Variants in C4orf51 observed in about 807,000 individuals in gnomAD.
The protein encoded by C4orf51 is chromosome 4 open reading frame 51, also known as uncharacterized protein C4orf51.
A neutral mutation model predicts 25.2 loss-of-function variants in C4orf51; 25 were observed. The observed-to-expected ratio is 0.99, with a 90% CI of 0.72 to 1.39. The LOEUF (loss-of-function observed/expected upper bound fraction) is 1.39. C4orf51 is among the 40% of genes most tolerant of loss of function. The pLI is 0.00. For missense variants in C4orf51, 252 were observed against 239.6 expected, an observed-to-expected ratio of 1.05 and a Z score of -0.34; for synonymous variants, 100 against 84.5, an observed-to-expected ratio of 1.18 and a Z score of -1.01.
intron 1 of C4orf51, among the ~76,000 whole-genome samples, chr4:145,683,208 G>C (rs1578908718): frequency 6.6e-6 from 1 of 152,052 alleles, no homozygotes; most frequent in Non-Finnish European, 1.5e-5. Context: ...TATGTACAAG[G>C]TCTATATAAG....
At position 145,726,910 on chromosome 4, in the gene C4orf51, G is replaced by A. The variant is rs565390537; in HGVS notation, c.308-1G>A. ...GATTTTCCCTCTTCATGTGCATGCA[G>A]GACTATTCCCTGATATAACCAGGCC... is the stretch of plus-strand genomic sequence containing the variant. On this transcript the variant is annotated splice_acceptor_variant, in intron 2 of 5. Coordinates refer to ENST00000438731, the MANE Select transcript of C4orf51 (RefSeq NM_001080531.3). LOFTEE classifies it high-confidence loss of function. 7.4e-6 allele frequency: 12 copies of A among 1,612,122 alleles called. No homozygotes were observed. In the African/African-American group the frequency reaches 1.3e-4, roughly 18 times the overall value.
intron 2 of C4orf51, among the ~76,000 whole-genome samples, chr4:145,724,134 T>C (rs1731907520): frequency 6.6e-6 from 1 of 152,186 alleles, no homozygotes; most frequent in African/African-American, 2.4e-5. Flanking sequence ...TATAGAATCA[T>C]ATCACTTACT....
At position 145,761,689 on chromosome 4, in the gene C4orf51, A is replaced by C. The variant is rs1579063348; in HGVS notation, n.167-9299A>C. ...CGCCTCACCAGCCTTCCCTCACACC[A>C]CCCCCCAGTGTCTGAGGCCTGGCCT... On this transcript the variant is annotated intron_variant and non_coding_transcript_variant, in intron 1 of 1. Transcript: ENST00000510096. This position sits in a 1 kb window ranked among gnomAD's most constrained non-coding sequence, Gnocchi z 6.8. 1.3e-6 allele frequency: 1 copy of C among 789,546 alleles called. No homozygotes were observed. The highest frequency in any genetic ancestry group is 1.8e-6 in the Non-Finnish European group (1 of 568,398). The allele number at this position is 789,546 out of a possible 1,614,324, so 48.9% of individuals were successfully genotyped here. A position where few individuals can be genotyped will look rare whatever the true frequency, so the allele number is the denominator to read the frequency against.
chr4:145,727,726 T>C (rs1443210815), intron 3 of C4orf51, among the ~76,000 whole-genome samples: 3 of 145,688 alleles, frequency 2.1e-5, no homozygotes, highest in Non-Finnish European at 3.0e-5. Context: ...AAAAAAAAAA[T>C]ACAAAATTAG....
intron 2 of C4orf51, among the ~76,000 whole-genome samples, chr4:145,714,641 T>TAAA (rs1171796169): frequency 6.6e-6 from 1 of 152,240 alleles, no homozygotes; most frequent in African/African-American, 2.4e-5. Context: ...TCAGGAAATT[T>TAAA]GTAGAGCTCC....
At position 145,680,222 on chromosome 4, in the gene C4orf51, T is replaced by C; in HGVS notation, c.19T>C (p.Leu7=). The C allele has an allele frequency of 6.2e-7, 1 of 1,613,602 alleles. No individual in the cohort carries two copies. The highest frequency in any genetic ancestry group is 8.5e-7 in the Non-Finnish European group (1 of 1,179,506). The change falls in exon 1 of 6, where the codon TTG becomes CTG. Residue 7 remains leucine (L), a synonymous_variant. Coordinates refer to ENST00000438731, the MANE Select transcript of C4orf51 (RefSeq NM_001080531.3). MSHYFY[L]TPQILLPFSP... ...CGTAGTTATGTCACACTACTTCTACTTGACTCCACAAATTCTTCTGCCCTT... is the reference window on the plus strand; with the variant it reads ...CGTAGTTATGTCACACTACTTCTACCTGACTCCACAAATTCTTCTGCCCTT...
At chr4:145,681,649 A>G (rs35185425) in intron 1 of C4orf51, among the ~76,000 whole-genome samples, 43,747 of 152,028 alleles carry the variant, frequency 0.29, 6,498 homozygotes, top group African/African-American at 0.33. Context: ...GTTATTGGAG[A>G]ATGAGTAGTC....
intron 2 of C4orf51, among the ~76,000 whole-genome samples, chr4:145,709,056 A>T (rs1465136994): frequency 1.3e-5 from 2 of 152,214 alleles, no homozygotes; most frequent in African/African-American, 4.8e-5. Flanking sequence ...ACTCATGGGA[A>T]GCCTTCATAT....
chr4:145,696,508 A>G (rs1259473602), intron 1 of C4orf51, 51 bp from the exon 2 acceptor site: 1 of 1,437,902 alleles, frequency 7.0e-7, no homozygotes, highest in African/African-American at 1.4e-5. Context: ...GCTTCATGTG[A>G]TTTATAAATC....
At chr4:145,698,405 A>G (rs1730209083) in intron 2 of C4orf51, among the ~76,000 whole-genome samples, 1 of 152,238 alleles carries the variant, frequency 6.6e-6, no homozygotes, top group Admixed American at 6.5e-5. Flanking sequence ...GAAAGGCAGG[A>G]CAACTCAAAG....
intron 2 of C4orf51, among the ~76,000 whole-genome samples, chr4:145,708,137 T>C (rs1352743774): frequency 1.3e-5 from 2 of 152,236 alleles, no homozygotes; most frequent in African/African-American, 4.8e-5. Flanking sequence ...GCTAGTGGGC[T>C]CGCAGAGCAG....
intron 2 of C4orf51, among the ~76,000 whole-genome samples, chr4:145,724,444 A>G (rs1731927288): frequency 6.6e-6 from 1 of 152,226 alleles, no homozygotes. Context: ...ACACAAAGCA[A>G]TGAACATTTG....
At chr4:145,766,323 C>T (rs1476185319) in intron 1 of C4orf51, among the ~76,000 whole-genome samples, 5 of 152,114 alleles carry the variant, frequency 3.3e-5, no homozygotes, top group East Asian at 1.9e-4. Flanking sequence ...CAAGAGAGCG[C>T]GTCAGGGACT....
At chr4:145,779,742 T>A in the C4orf51 span, among the ~76,000 whole-genome samples, 1 of 152,242 alleles carries the variant, frequency 6.6e-6, no homozygotes, top group African/African-American at 2.4e-5. Flanking sequence ...GTATTTTCTC[T>A]CTTTCTTCAC....
At chr4:145,725,910 T>C (rs1732029945) in intron 2 of C4orf51, among the ~76,000 whole-genome samples, 1 of 152,216 alleles carries the variant, frequency 6.6e-6, no homozygotes, top group African/African-American at 2.4e-5. Context: ...ACTTAAATTT[T>C]GTCAATTTCA....
At chr4:145,766,898 C>T (rs1401695935) in intron 1 of C4orf51, among the ~76,000 whole-genome samples, 4 of 152,038 alleles carry the variant, frequency 2.6e-5, no homozygotes, top group African/African-American at 7.2e-5. Context: ...GATCTAGACC[C>T]GCCAAAGAAT....
At chr4:145,757,644 T>C (rs1441210920), downstream of C4orf51, 1 of 152,004 alleles carries the variant, frequency 6.6e-6, no homozygotes, top group East Asian at 1.9e-4. Flanking sequence ...AACCTTTTTT[T>C]TTTTTTAATT....
chr4:145,706,213 A>C (rs1195898267), intron 2 of C4orf51, among the ~76,000 whole-genome samples: 1 of 152,220 alleles, frequency 6.6e-6, no homozygotes, highest in Non-Finnish European at 1.5e-5. Context: ...TCACAATATA[A>C]GCTTTAGTCT....
the C4orf51 span, among the ~76,000 whole-genome samples, chr4:145,785,871 C>T: frequency 6.6e-6 from 1 of 152,208 alleles, no homozygotes; most frequent in South Asian, 2.1e-4. Flanking sequence ...TACACATGTG[C>T]AGATTTAGCA....
Sources: gnomAD v4.1 joint callset for allele counts (sites outside exome capture counted in the v4.1 genomes callset) on GRCh38, gnomAD v4.1.1 for gene constraint, Gnocchi (gnomAD v3.1) non-coding constraint, MANE v1.5 for transcripts, NCBI Gene and HGNC (gene_info 2026-07-23, HGNC 2026-07-21) for gene names.